The following PLA2G4C variants were observed in gnomAD, a reference collection of about 807,000 sequenced individuals.
PLA2G4C encodes phospholipase A2 group IVC.
Under a neutral mutation model 73.8 loss-of-function variants are expected in PLA2G4C, and 64 were observed. That is an observed-to-expected ratio of 0.87 (90% confidence interval 0.71 to 1.07). PLA2G4C has a LOEUF of 1.07. PLA2G4C is among the 50% of genes least tolerant of loss of function. The probability of loss-of-function intolerance (pLI) is 0.00; values close to 1 mark genes in which losing one functional copy is unlikely to be tolerated. For missense variants in PLA2G4C, 622 were observed against 665.4 expected, an observed-to-expected ratio of 0.93 and a Z score of 0.72; for synonymous variants, 254 against 252.1, an observed-to-expected ratio of 1.01 and a Z score of -0.07.
intron 10 of PLA2G4C, among the ~76,000 whole-genome samples, chr19:48,084,703 T>TC (rs1415305124): frequency 1.3e-5 from 2 of 152,242 alleles, no homozygotes; most frequent in African/African-American, 4.8e-5. Context: ...CCAGACACTG[T>TC]CCTATGTGCT....
At chr19:48,106,658 C>T (rs2032252220) in intron 1 of PLA2G4C, 97 bp from the exon 2 acceptor site, 4 of 899,584 alleles carry the variant, frequency 4.4e-6, no homozygotes, top group Admixed American at 1.8e-5. Flanking sequence ...CATGGGTTCT[C>T]CTTGTCCACT....
intron 16 of PLA2G4C, 47 bp from the exon 17 acceptor site, chr19:48,048,435 G>C: frequency 7.2e-7 from 1 of 1,383,948 alleles, no homozygotes; most frequent in Non-Finnish European, 1.0e-6. Context: ...TTTGTAGGCA[G>C]TGTTGCACAC....
At chr19:48,082,863 G>C (rs4802430) in intron 10 of PLA2G4C, among the ~76,000 whole-genome samples, 54,005 of 145,664 alleles carry the variant, frequency 0.37, 10,386 homozygotes, top group East Asian at 0.54. Context: ...GCCCAGGCTG[G>C]AGTGCAGTGG....
intron 4 of PLA2G4C, among the ~76,000 whole-genome samples, chr19:48,102,255 C>T (rs913300911): frequency 2.6e-5 from 4 of 151,872 alleles, no homozygotes; most frequent in Admixed American, 2.6e-4. Context: ...CTTTGGGAAG[C>T]CAGGGCAGGC....
chr19:48,050,587 T>C (rs947395836), intron 16 of PLA2G4C, among the ~76,000 whole-genome samples: 1 of 151,976 alleles, frequency 6.6e-6, no homozygotes, highest in Non-Finnish European at 1.5e-5. Flanking sequence ...TTCTGTCATC[T>C]GGTTGTGTCT....
chr19:48,048,407 TAG>T lies in PLA2G4C; in HGVS notation c.1581-21_1581-20del. 6.3e-7 allele frequency: 1 copy of T among 1,575,326 alleles called. No homozygotes were observed. The highest frequency in any genetic ancestry group is 8.6e-7 in the Non-Finnish European group (1 of 1,164,378). On this transcript the variant is annotated intron_variant, in intron 16 of 16. Transcript: ENST00000599921. ...GTAGAGCCTGGGGAGAAAGGAAAGT[TAG>T]AAGTTACCACTGTGCTTTGTAGGCA... is the stretch of plus-strand genomic sequence containing the variant.
chr19:48,108,315 TG>T (rs1461142329), intron 1 of PLA2G4C, among the ~76,000 whole-genome samples: 3 of 152,068 alleles, frequency 2.0e-5, no homozygotes, highest in Non-Finnish European at 4.4e-5. Flanking sequence ...TTAATTTTTT[TG>T]TAGAGATTGA....
chr19:48,083,401 T>C (rs2030752544), intron 10 of PLA2G4C, among the ~76,000 whole-genome samples: 1 of 150,510 alleles, frequency 6.6e-6, no homozygotes, highest in Non-Finnish European at 1.5e-5. Flanking sequence ...TCTTTTTTTT[T>C]TTTTTTTTGT....
chr19:48,108,386 T>C (rs1416262280), intron 1 of PLA2G4C, among the ~76,000 whole-genome samples: 1 of 152,198 alleles, frequency 6.6e-6, no homozygotes, highest in Non-Finnish European at 1.5e-5. Context: ...TCCTCCTGCC[T>C]CAGCCTCCCA....
At chr19:48,064,267 A>G (rs890928209) in intron 13 of PLA2G4C, among the ~76,000 whole-genome samples, 1 of 152,066 alleles carries the variant, frequency 6.6e-6, no homozygotes, top group Admixed American at 6.5e-5. Flanking sequence ...TGTCTCTACT[A>G]AAAACACAAA....
chr19:48,075,512 C>T (rs766569946), intron 11 of PLA2G4C, among the ~76,000 whole-genome samples: 2 of 152,004 alleles, frequency 1.3e-5, no homozygotes, highest in Non-Finnish European at 2.9e-5. Flanking sequence ...TATCCACACT[C>T]ATGAATTAGA....
At chr19:48,091,583 G>C (rs371440526) in intron 7 of PLA2G4C, among the ~76,000 whole-genome samples, 1 of 152,078 alleles carries the variant, frequency 6.6e-6, no homozygotes, top group East Asian at 1.9e-4. Flanking sequence ...ATATGATACA[G>C]GGAGACATAA....
chr19:48,093,942 T>G (rs10426064), intron 7 of PLA2G4C, among the ~76,000 whole-genome samples: 85,448 of 152,020 alleles, frequency 0.56, 24,573 homozygotes, highest in East Asian at 0.87. Flanking sequence ...GAAGGTTCTT[T>G]CTTCCCTTTC....
At chr19:48,097,224 A>G (rs1309556762) in intron 6 of PLA2G4C, 2 of 92,658 alleles carry the variant, frequency 2.2e-5, no homozygotes, top group African/African-American at 9.0e-5. Flanking sequence ...ATCCCTTATT[A>G]CAGTTTTCTT....
chr19:48,085,797 C>T (rs1038717439), intron 9 of PLA2G4C, among the ~76,000 whole-genome samples: 39 of 152,150 alleles, frequency 2.6e-4, no homozygotes, highest in African/African-American at 9.2e-4. Flanking sequence ...GACACACGCC[C>T]CCACCACACC....
At chr19:48,092,470 G>T (rs1054740641) in intron 7 of PLA2G4C, among the ~76,000 whole-genome samples, 4 of 152,216 alleles carry the variant, frequency 2.6e-5, no homozygotes, top group Non-Finnish European at 5.9e-5. Flanking sequence ...TGCATGGCAG[G>T]TTCCTTCACA....
intron 2 of PLA2G4C, among the ~76,000 whole-genome samples, chr19:48,106,255 A>T (rs544410768): frequency 1.3e-5 from 2 of 151,364 alleles, no homozygotes; most frequent in South Asian, 2.1e-4. Flanking sequence ...GCTAATTTTT[A>T]AAAATATTTT....
intron 15 of PLA2G4C, 100 bp downstream of exon 15, chr19:48,054,775 CCTT>C: frequency 2.7e-6 from 3 of 1,131,388 alleles, no homozygotes; most frequent in Non-Finnish European, 4.0e-6. Context: ...GTCAATTAAA[CCTT>C]CTTCCTTTGT....
intron 6 of PLA2G4C, 135 bp downstream of exon 6, chr19:48,098,004 C>T (rs1396103396): frequency 2.2e-6 from 2 of 914,262 alleles, no homozygotes; most frequent in Admixed American, 4.7e-5. Context: ...CTAAGCTGAG[C>T]ACCCTGTTTT....
Sources: allele counts gnomAD v4.1 joint callset (sites outside exome capture counted in the v4.1 genomes callset), GRCh38; gene constraint gnomAD v4.1.1; transcripts MANE v1.5; gene names NCBI Gene and HGNC (gene_info 2026-07-23, HGNC 2026-07-21).